Variants in CDH7 observed in about 807,000 individuals in gnomAD.
The protein encoded by CDH7 is cadherin 7, also known as cadherin-7.
A neutral mutation model predicts 71.8 loss-of-function variants in CDH7; 25 were observed. That is an observed-to-expected ratio of 0.35 (90% CI 0.25 to 0.49). The LOEUF (loss-of-function observed/expected upper bound fraction) is 0.49, where lower values mean the gene tolerates loss of function less well. Among genes scored for constraint, CDH7 ranks in the 20% least tolerant of loss-of-function variants. The pLI, the probability that CDH7 is intolerant of heterozygous loss-of-function variation, is 0.99. For missense variants in CDH7, 862 were observed against 974.6 expected (o/e 0.88, Z 1.54); for synonymous variants, 381 against 363.8 (o/e 1.05, Z -0.54).
chr18:65,857,974 T>G, intron 8 of CDH7, 22 bp downstream of exon 8: 1 of 1,609,226 alleles, frequency 6.2e-7, no homozygotes, highest in Non-Finnish European at 8.5e-7. Context: ...GGCTTAAAAC[T>G]AAATTAAGAT....
In CDH7 at chr18:65,782,016, C is replaced by CTCTTTCTCTCTT. The variant is rs1453946770; in HGVS notation, c.210+18967_210+18968insTTCTCTCTTTCT. Among the ~76,000 whole-genome samples, 9 of 45,012 alleles carry CTCTTTCTCTCTT rather than the reference C, an allele frequency of 2.0e-4. 2 individuals carry two copies. The African/African-American group carries it at 3.1e-3, about 15-fold the overall frequency. The allele number at this position is 45,012 out of a possible 152,430, so 29.5% of individuals were successfully genotyped here. A position where few individuals can be genotyped will look rare whatever the true frequency, so the allele number is the denominator to read the frequency against. ...TCTCTTTCTCTCTTTCTCTCTTTCT[C>CTCTTTCTCTCTT]TCTCTCTTTCTCCCTTCCTTCCTTC... On this transcript the variant is annotated intron_variant, in intron 2 of 11. Coordinates refer to ENST00000397968, the MANE Select transcript of CDH7 (RefSeq NM_004361.5).
chr18:65,753,789 G>A (rs973086855), intron 1 of CDH7, among the ~76,000 whole-genome samples: 1 of 152,172 alleles, frequency 6.6e-6, no homozygotes, highest in East Asian at 1.9e-4. Context: ...ACCCCTGCAA[G>A]CACTTCCCCC....
At chr18:65,867,035 A>AT (rs11381508) in intron 11 of CDH7, among the ~76,000 whole-genome samples, 90,328 of 134,254 alleles carry the variant, frequency 0.67, 31,902 homozygotes, top group East Asian at 0.92. Context: ...GGTATTCTAA[A>AT]TTTTTTTTTT....
chr18:65,790,515 G>A (rs1910676403), intron 2 of CDH7, among the ~76,000 whole-genome samples: 3 of 151,944 alleles, frequency 2.0e-5, no homozygotes, highest in Admixed American at 2.0e-4. Context: ...AAGTAGTCAG[G>A]AATACTATTT....
At chr18:65,760,221 A>T (rs765568666) in intron 1 of CDH7, among the ~76,000 whole-genome samples, 4 of 152,176 alleles carry the variant, frequency 2.6e-5, no homozygotes, top group African/African-American at 7.2e-5. Flanking sequence ...ATTTAATCCT[A>T]TGAAGTAGAT....
At chr18:65,765,976 C>A (rs1011101454) in intron 2 of CDH7, among the ~76,000 whole-genome samples, 48 of 152,080 alleles carry the variant, frequency 3.2e-4, no homozygotes, top group African/African-American at 1.1e-3. Flanking sequence ...TTTTATATTT[C>A]ATTACATATT....
intron 2 of CDH7, among the ~76,000 whole-genome samples, chr18:65,794,290 AT>A (rs2143865396): frequency 6.6e-6 from 1 of 152,240 alleles, no homozygotes; most frequent in Admixed American, 6.5e-5. Context: ...GTAGGGAACT[AT>A]CGATGATTTT....
intron 2 of CDH7, among the ~76,000 whole-genome samples, chr18:65,765,592 AC>A (rs1328243762): frequency 6.6e-6 from 1 of 152,034 alleles, no homozygotes; most frequent in African/African-American, 2.4e-5. Flanking sequence ...GAAAAAAAGA[AC>A]CTAATTAATC....
chr18:65,762,444 A>G (rs1012920591), intron 1 of CDH7, among the ~76,000 whole-genome samples: 7 of 152,174 alleles, frequency 4.6e-5, no homozygotes, highest in South Asian at 2.1e-4. Context: ...CATCAGCTGT[A>G]TTTATGTAAT....
In CDH7 at chr18:65,786,608, T is replaced by C. The variant is rs1035154118; in HGVS notation, c.211-23096T>C. Among the ~76,000 whole-genome samples the C allele has an allele frequency of 2.0e-5, 3 of 152,180 alleles. No homozygotes were observed. The East Asian group carries it at 5.8e-4, about 29-fold the overall frequency. On this transcript the variant is annotated intron_variant, in intron 2 of 11. Coordinates refer to ENST00000397968, the MANE Select transcript of CDH7 (RefSeq NM_004361.5). ...TAAAATGATGTTGTAAAAGGATAGC[T>C]TTAAGAGGTATGATAACGCTGATAA...
chr18:65,880,993 A>T lies in CDH7; in HGVS notation c.*99A>T. 1 of 1,167,510 alleles carries T rather than the reference A, an allele frequency of 8.6e-7. No homozygotes were observed. The highest frequency in any genetic ancestry group is 1.2e-6 in the Non-Finnish European group (1 of 849,446). 72.3% of individuals were successfully genotyped at this position (1,167,510 alleles called of 1,614,324 possible). The stretch of plus-strand genomic sequence containing the variant: ...TAAACCACTACATACAGAAAACAAG[A>T]ACTCCCCTTGCTGGAGACAGATGGT... On this transcript the variant is annotated 3_prime_UTR_variant, in exon 12 of 12. Transcript: ENST00000397968.
chr18:65,877,525 C>T (rs1914106889), intron 11 of CDH7, among the ~76,000 whole-genome samples: 1 of 151,954 alleles, frequency 6.6e-6, no homozygotes, highest in Non-Finnish European at 1.5e-5. Flanking sequence ...AACTCTTACC[C>T]TCTTTATACC....
chr18:65,840,574 C>G (rs879379491), intron 6 of CDH7, among the ~76,000 whole-genome samples: 130 of 152,190 alleles, frequency 8.5e-4, no homozygotes, highest in South Asian at 2.3e-3. Context: ...GTGGTTTCCC[C>G]CCATACTGCT....
chr18:65,808,049 C>T (rs1376728361), intron 2 of CDH7, among the ~76,000 whole-genome samples: 2 of 152,186 alleles, frequency 1.3e-5, no homozygotes, highest in East Asian at 1.9e-4. Flanking sequence ...TTGGCCAGGC[C>T]ACTTCAGGCA....
chr18:65,865,506 A>C (rs1013234138), intron 11 of CDH7: 20 of 152,202 alleles, frequency 1.3e-4, no homozygotes, highest in African/African-American at 4.8e-4. Context: ...AGTCTTCAAA[A>C]CCGTAAGTAA....
At chr18:65,848,363 A>G (rs2144003473) in intron 7 of CDH7, among the ~76,000 whole-genome samples, 1 of 152,326 alleles carries the variant, frequency 6.6e-6, no homozygotes, top group Admixed American at 6.5e-5. Flanking sequence ...TCTGACCTCA[A>G]GGAACTTACA....
rs1185695162 is a variant in CDH7 at position 65,885,928 on chromosome 18, ATAT to A, written c.*5039_*5041del. The A allele has an allele frequency of 5.9e-5, 9 of 152,192 alleles. No individual in the cohort carries two copies. Among genetic ancestry groups the A allele is most frequent in the Admixed American group, 2.0e-4 (3 of 15,280 alleles). The allele number at this position is 152,192 out of a possible 1,614,324, so 9.4% of individuals were successfully genotyped here. On this transcript the variant is annotated 3_prime_UTR_variant, in exon 12 of 12. Coordinates refer to ENST00000397968, the MANE Select transcript of CDH7 (RefSeq NM_004361.5). ...TAGCTGTTATTTGTGTAATTGTCAC[ATAT>A]TATTGTGCAGATTTAATCTCATTGT...
intron 2 of CDH7, among the ~76,000 whole-genome samples, chr18:65,797,836 G>T (rs1028132580): frequency 6.6e-6 from 1 of 152,138 alleles, no homozygotes; most frequent in African/African-American, 2.4e-5. Context: ...CTTTCAAAAT[G>T]ATAGTACAAT....
chr18:65,825,311 A>T (rs1912087497), intron 6 of CDH7, among the ~76,000 whole-genome samples: 1 of 151,924 alleles, frequency 6.6e-6, no homozygotes, highest in African/African-American at 2.4e-5. Flanking sequence ...TAATTGGAAG[A>T]CTTGCATATT....
Sources: gnomAD v4.1 joint callset for allele counts (sites outside exome capture counted in the v4.1 genomes callset) on GRCh38, gnomAD v4.1.1 for gene constraint, MANE v1.5 for transcripts, NCBI Gene and HGNC (gene_info 2026-07-23, HGNC 2026-07-21) for gene names.